The following CCDC15 variants were observed in gnomAD, a reference collection of about 807,000 sequenced individuals.
CCDC15 encodes the protein coiled-coil domain-containing protein 15.
A neutral mutation model predicts 114.5 loss-of-function variants in CCDC15; 105 were observed. That is an observed-to-expected ratio of 0.92 (90% CI 0.78 to 1.08). The LOEUF is 1.08. Among genes scored for constraint, CCDC15 ranks in the 50% least tolerant of loss-of-function variants. CCDC15 has a pLI of 0.00. For synonymous variants in CCDC15, 334 were observed against 377.8 expected (o/e 0.88, Z 1.34); for missense variants, 1,105 against 1,093.6 (o/e 1.01, Z -0.15).
Position 124,991,538 on chromosome 11 carries a change from G to A in CCDC15, c.1986G>A (p.Gln662=), listed in dbSNP as rs1374371424. ...AAGACTTTTCTCTGGCAGACTATCA[G>A]TGTTTGCCTCCCAAATCCCAGGACC... ...GREDFSLADY[Q]CLPPKSQDQD... Residue 662 remains glutamine, a synonymous_variant, in exon 9 of 16, where the codon CAG becomes CAA. Coordinates refer to ENST00000344762, the MANE Select transcript of CCDC15 (RefSeq NM_025004.3). 1 of 1,609,910 alleles carries A rather than the reference G, an allele frequency of 6.2e-7. No individual in the cohort carries two copies. The highest frequency in any genetic ancestry group is 1.3e-5 in the African/African-American group (1 of 74,850).
chr11:124,967,384 T>A (rs910731915), intron 4 of CCDC15, among the ~76,000 whole-genome samples: 2 of 152,224 alleles, frequency 1.3e-5, no homozygotes, highest in Admixed American at 6.5e-5. Context: ...ATTAATTTGA[T>A]CTTCAGTCAC....
In CCDC15 at chr11:124,988,119, T is replaced by C; in HGVS notation, c.1893T>C (p.Phe631=). The C allele has an allele frequency of 6.2e-7, 1 of 1,610,926 alleles. No individual in the cohort carries two copies. Among genetic ancestry groups the C allele is most frequent in the South Asian group, 1.1e-5 (1 of 90,316 alleles). The change falls in exon 8 of 16, where the codon TTT becomes TTC. Residue 631 remains phenylalanine (F), a synonymous_variant. Transcript: ENST00000344762. Reference sequence around the variant, plus strand: ...TACCCAAATGTCAGGACCAAGATTTTCTACCAAAATATCAGGTAAAATAGA... The same window carrying C: ...TACCCAAATGTCAGGACCAAGATTTCCTACCAAAATATCAGGTAAAATAGA... The part of the protein sequence containing the change: ...NILPKCQDQD[F]LPKYQKVHFK...
intron 13 of CCDC15, among the ~76,000 whole-genome samples, chr11:125,030,278 A>G (rs754322971): frequency 1.1e-4 from 16 of 152,346 alleles, no homozygotes; most frequent in Non-Finnish European, 2.1e-4. Flanking sequence ...CCAGCCCTGC[A>G]AAGTATTGTC....
intron 4 of CCDC15, among the ~76,000 whole-genome samples, chr11:124,962,291 G>A (rs80149794): frequency 4.1e-3 from 620 of 152,300 alleles, no homozygotes; most frequent in Middle Eastern, 6.8e-3. Flanking sequence ...GTTAGTACAC[G>A]TCTCAGTTTT....
chr11:124,999,667 A>G (rs1948438980), intron 11 of CCDC15, among the ~76,000 whole-genome samples: 2 of 151,648 alleles, frequency 1.3e-5, no homozygotes, highest in African/African-American at 4.8e-5. Context: ...TTGTATTTTC[A>G]TTCACTTCAA....
chr11:125,022,331 C>T (rs1167599072), intron 13 of CCDC15, among the ~76,000 whole-genome samples: 3 of 151,878 alleles, frequency 2.0e-5, no homozygotes, highest in East Asian at 3.8e-4. Context: ...ATGTTTTTCA[C>T]TTCTCCCCTA....
intron 2 of CCDC15, among the ~76,000 whole-genome samples, chr11:124,955,385 G>C (rs756274357): frequency 6.6e-6 from 1 of 152,198 alleles, no homozygotes; most frequent in Non-Finnish European, 1.5e-5. Flanking sequence ...GATGAACTCT[G>C]ATAATCTGAG....
intron 13 of CCDC15, among the ~76,000 whole-genome samples, chr11:125,019,884 C>T (rs4491243): frequency 0.063 from 9,564 of 151,752 alleles, 367 homozygotes; most frequent in African/African-American, 0.11. Context: ...TAGTGGGGTA[C>T]GTGTGAAATT....
intron 13 of CCDC15, among the ~76,000 whole-genome samples, chr11:125,021,729 C>A (rs12285583): frequency 0.2 from 30,789 of 151,640 alleles, 3,727 homozygotes; most frequent in African/African-American, 0.34. Flanking sequence ...GGGCTGACTC[C>A]GTCTTTTCTA....
At chr11:124,963,252 C>T (rs1219311473) in intron 4 of CCDC15, among the ~76,000 whole-genome samples, 1 of 152,168 alleles carries the variant, frequency 6.6e-6, no homozygotes, top group Non-Finnish European at 1.5e-5. Flanking sequence ...ATTTACAGTC[C>T]CACCAACAGT....
chr11:125,023,097 C>G (rs1483072901), intron 13 of CCDC15, among the ~76,000 whole-genome samples: 13 of 151,882 alleles, frequency 8.6e-5, no homozygotes, highest in Admixed American at 6.6e-5. Context: ...TTGCCTAACC[C>G]AAGGTCACAA....
At chr11:125,028,945 G>C (rs1948721565) in intron 13 of CCDC15, among the ~76,000 whole-genome samples, 1 of 152,098 alleles carries the variant, frequency 6.6e-6, no homozygotes, top group Admixed American at 6.6e-5. Flanking sequence ...ATGATCACAA[G>C]GTTCCACAAT....
chr11:124,959,894 A>T lies in CCDC15; in HGVS notation c.407A>T (p.Asn136Ile), dbSNP rs745544437. ...AAAAGGACAAGTGTTTTTCCAAACA[A>T]TTTGAATGTTGCTATTGGAAGTTCT... The part of the protein sequence containing the change: ...TSKRTSVFPN[N>I]LNVAIGSSRL... The change falls in exon 4 of 16, where the codon AAT becomes ATT. Residue 136 changes from asparagine (N) to isoleucine (I), a missense_variant. Asn to Ile is a moderately radical substitution (Grantham distance 149). Coordinates refer to ENST00000344762, the MANE Select transcript of CCDC15 (RefSeq NM_025004.3). The T allele has an allele frequency of 4.1e-5, 65 of 1,593,750 alleles. No individual in the cohort carries two copies. The highest frequency in any genetic ancestry group is 5.2e-5 in the Non-Finnish European group (61 of 1,168,752).
chr11:124,956,435 C>T (rs1947550465), intron 2 of CCDC15, among the ~76,000 whole-genome samples: 1 of 151,562 alleles, frequency 6.6e-6, no homozygotes, highest in Admixed American at 6.6e-5. Flanking sequence ...AGTGAGACCC[C>T]ATCTCTGGAA....
rs1405717854 is a variant in CCDC15, at chr11:125,038,531, A to ATAT, written c.2515_2517dup (p.Leu839dup). ...ATATTCAGGAGAGAAGTTGAGTGAG[A>ATAT]TATTAGCCCAGTTACAACTTCAAGA... On this transcript the variant is annotated inframe_insertion, in exon 14 of 16. Transcript: ENST00000344762. 6.3e-7 allele frequency: 1 copy of ATAT among 1,587,740 alleles called. No homozygotes were observed. The highest frequency in any genetic ancestry group is 1.2e-5 in the South Asian group (1 of 86,346).
intron 13 of CCDC15, among the ~76,000 whole-genome samples, chr11:125,010,720 T>TA (rs1455994681): frequency 3.9e-5 from 6 of 152,330 alleles, no homozygotes; most frequent in Admixed American, 3.3e-4. Context: ...GCATAGTTTG[T>TA]AAATATCTTC....
intron 11 of CCDC15, among the ~76,000 whole-genome samples, chr11:125,000,240 G>A (rs11827270): frequency 0.14 from 21,795 of 152,034 alleles, 1,727 homozygotes; most frequent in Non-Finnish European, 0.16. Context: ...TTATTTGTTT[G>A]TTTGTTGTAG....
chr11:125,010,705 C>T (rs1186984711), intron 13 of CCDC15, among the ~76,000 whole-genome samples: 1 of 152,146 alleles, frequency 6.6e-6, no homozygotes. Context: ...AGACCTTTGT[C>T]AGGTGCATAG....
intron 4 of CCDC15, among the ~76,000 whole-genome samples, chr11:124,964,249 C>T (rs572796417): frequency 5.2e-4 from 79 of 152,236 alleles, no homozygotes; most frequent in African/African-American, 1.7e-3. Context: ...GCCATTTTCA[C>T]GATATTGATT....
Sources: gnomAD v4.1 joint callset for allele counts (sites outside exome capture counted in the v4.1 genomes callset) on GRCh38, gnomAD v4.1.1 for gene constraint, MANE v1.5 for transcripts, NCBI Gene and HGNC (gene_info 2026-07-23, HGNC 2026-07-21) for gene names.